Variants in SLC45A3 observed in about 807,000 individuals in gnomAD.
The protein encoded by SLC45A3 is prostate cancer associated protein 2.
SLC45A3 carries 17 observed loss-of-function variants against 35.3 expected under a neutral mutation model. The ratio of observed to expected loss-of-function variants is 0.48; its 90% confidence interval spans 0.33 to 0.72. The LOEUF (loss-of-function observed/expected upper bound fraction) is 0.72. Among genes scored for constraint, SLC45A3 ranks in the 30% least tolerant of loss-of-function variants. The probability of loss-of-function intolerance (pLI) is 0.02; values close to 1 mark genes in which losing one functional copy is unlikely to be tolerated. For missense variants in SLC45A3, 597 were observed against 731.7 expected, an observed-to-expected ratio of 0.82 and a Z score of 2.12; for synonymous variants, 288 against 334.3, an observed-to-expected ratio of 0.86 and a Z score of 1.51.
At chr1:205,663,903 A>C (rs1571534027) in intron 2 of SLC45A3, among the ~76,000 whole-genome samples, 1 of 152,258 alleles carries the variant, frequency 6.6e-6, no homozygotes, top group East Asian at 1.9e-4. Flanking sequence ...GTGACTCCAG[A>C]GCCTGCAATC....
Position 205,662,677 on chromosome 1 carries a change from C to G in SLC45A3, c.958+156G>C. On this transcript the variant is annotated intron_variant, in intron 3 of 4. Coordinates refer to ENST00000367145, the MANE Select transcript of SLC45A3 (RefSeq NM_033102.3). This position sits in a 1 kb window ranked among gnomAD's most constrained non-coding sequence, Gnocchi z 6.2. Reference sequence around the variant, plus strand: ...AAACCGCAAGCAGAGATGTTCCACACCCATGAGAAGCCGTGTATGCAGATG... The same window carrying G: ...AAACCGCAAGCAGAGATGTTCCACAGCCATGAGAAGCCGTGTATGCAGATG... The G allele has an allele frequency of 7.1e-7, 1 of 1,417,824 alleles. No homozygotes were observed. The highest frequency in any genetic ancestry group is 1.7e-5 in the South Asian group (1 of 59,694). 87.8% of individuals were successfully genotyped at this position (1,417,824 alleles called of 1,614,324 possible).
chr1:205,663,636 G>C lies in SLC45A3; in HGVS notation c.173-18C>G, dbSNP rs1261909709. 1 of 1,544,038 alleles carries C rather than the reference G, an allele frequency of 6.5e-7. No individual in the cohort carries two copies. The highest frequency in any genetic ancestry group is 1.2e-5 in the South Asian group (1 of 81,148). ...ACCAATGCCTGCAAGAAGGGAAGTAGTATGAGTCAATGGCTGGGACAAGTA... is the reference window on the plus strand; with the variant it reads ...ACCAATGCCTGCAAGAAGGGAAGTACTATGAGTCAATGGCTGGGACAAGTA... On this transcript the variant is annotated intron_variant, in intron 2 of 4. Transcript: ENST00000367145.
At chr1:205,668,858 G>T (rs1025120371) in intron 1 of SLC45A3, among the ~76,000 whole-genome samples, 3 of 152,118 alleles carry the variant, frequency 2.0e-5, no homozygotes, top group Non-Finnish European at 4.4e-5. Context: ...CCTTTCTGGA[G>T]CTCTGCCCCA....
intron 4 of SLC45A3, among the ~76,000 whole-genome samples, chr1:205,660,029 G>A (rs993735704): frequency 6.6e-6 from 1 of 152,162 alleles, no homozygotes; most frequent in African/African-American, 2.4e-5. Context: ...GGTAAGAGAT[G>A]CACAGAACAG....
At position 205,662,664 on chromosome 1, in the gene SLC45A3, G is replaced by A; in HGVS notation, c.958+169C>T. 1.4e-6 allele frequency: 2 copies of A among 1,394,982 alleles called. No individual in the cohort carries two copies. The highest frequency in any genetic ancestry group is 1.9e-6 in the Non-Finnish European group (2 of 1,079,638). The allele number at this position is 1,394,982 out of a possible 1,614,324, so 86.4% of individuals were successfully genotyped here. ...AGAGGCCTTCCTGAAACCGCAAGCA[G>A]AGATGTTCCACACCCATGAGAAGCC... On this transcript the variant is annotated intron_variant, in intron 3 of 4. Transcript: ENST00000367145. The surrounding 1 kb of genome is among the most constrained non-coding windows in gnomAD (Gnocchi z 6.2).
In SLC45A3 at chr1:205,661,883, G is replaced by T. The variant is rs1340614335; in HGVS notation, c.1202C>A (p.Ser401Tyr). The change falls in exon 4 of 5, where the codon TCC becomes TAC. Residue 401 changes from serine (S) to tyrosine (Y), a missense_variant. Transcript: ENST00000367145. Reference sequence around the variant, plus strand: ...TACCTGCTTCTCCCGGTGGTAGAGGGAGGCCAGTGTGTAGGGCAGGATCTG... The same window carrying T: ...TACCTGCTTCTCCCGGTGGTAGAGGTAGGCCAGTGTGTAGGGCAGGATCTG... ...ALQILPYTLA[S>Y]LYHREKQVFL... 2.5e-6 allele frequency: 4 copies of T among 1,613,834 alleles called. No individual in the cohort carries two copies. The East Asian group carries it at 8.9e-5, about 36-fold the overall frequency.
In SLC45A3 at chr1:205,669,463, C is replaced by T. The variant is rs982764995; in HGVS notation, c.-230-4577G>A. Among the ~76,000 whole-genome samples, 8 of 152,170 alleles carry T rather than the reference C, an allele frequency of 5.3e-5. No individual in the cohort carries two copies. Among genetic ancestry groups the T allele is most frequent in the Admixed American group, 3.9e-4 (6 of 15,290 alleles). ...TTGAGGGCTTTCAAAGGGGCTTCTG[C>T]CACCCCGCATGGCTGAGGTGGAGCT... is the stretch of plus-strand genomic sequence containing the variant. On this transcript the variant is annotated intron_variant, in intron 1 of 4. Coordinates refer to ENST00000367145, the MANE Select transcript of SLC45A3 (RefSeq NM_033102.3). The surrounding 1 kb of genome is among the most constrained non-coding windows in gnomAD (Gnocchi z 4.1).
intron 4 of SLC45A3, among the ~76,000 whole-genome samples, chr1:205,661,271 T>C (rs1456227004): frequency 6.6e-6 from 1 of 151,770 alleles, no homozygotes; most frequent in Admixed American, 6.6e-5. Flanking sequence ...CAAGCTCAGA[T>C]ATCTGCCACA....
At chr1:205,677,566 GA>G (rs1300555383) in intron 1 of SLC45A3, among the ~76,000 whole-genome samples, 1 of 152,192 alleles carries the variant, frequency 6.6e-6, no homozygotes, top group African/African-American at 2.4e-5. Context: ...TGTGCAAGAG[GA>G]AATCAGATTA....
chr1:205,662,139 A>G lies in SLC45A3; in HGVS notation c.959-13T>C. On this transcript the variant is annotated splice_polypyrimidine_tract_variant and intron_variant, in intron 3 of 4. Coordinates refer to ENST00000367145, the MANE Select transcript of SLC45A3 (RefSeq NM_033102.3). This position sits in a 1 kb window ranked among gnomAD's most constrained non-coding sequence, Gnocchi z 6.2. ...CCCATCCGAACGCCTGCAGAGGGAG[A>G]GGGGCCATCAGACAGAGCCTGGGAG... 6.2e-7 allele frequency: 1 copy of G among 1,607,628 alleles called. No individual in the cohort carries two copies. The highest frequency in any genetic ancestry group is 8.5e-7 in the Non-Finnish European group (1 of 1,176,038).
At chr1:205,679,591 G>A (rs1671367094) in intron 1 of SLC45A3, among the ~76,000 whole-genome samples, 1 of 152,000 alleles carries the variant, frequency 6.6e-6, no homozygotes, top group African/African-American at 2.4e-5. Flanking sequence ...GCAGAACTCT[G>A]TCCTTCCCCA....
In SLC45A3 at chr1:205,658,457, A is replaced by G. The variant is rs140669398; in HGVS notation, c.*777T>C. On this transcript the variant is annotated 3_prime_UTR_variant, in exon 5 of 5. Transcript: ENST00000367145. ...GATTCTGGCAATGATCAGCCCAATGACCAGCTATCTCAGGGGACCTGATTG... is the reference window on the plus strand; with the variant it reads ...GATTCTGGCAATGATCAGCCCAATGGCCAGCTATCTCAGGGGACCTGATTG... The G allele has an allele frequency of 1.8e-3, 419 of 233,246 alleles. 1 individual carries two copies. Among genetic ancestry groups the G allele is most frequent in the African/African-American group, 8.8e-3 (401 of 45,454 alleles). 14.4% of individuals were successfully genotyped at this position (233,246 alleles called of 1,614,324 possible). A position where few individuals can be genotyped will look rare whatever the true frequency, so the allele number is the denominator to read the frequency against.
chr1:205,670,820 C>G (rs931099152), intron 1 of SLC45A3, among the ~76,000 whole-genome samples: 1 of 152,226 alleles, frequency 6.6e-6, no homozygotes, highest in Non-Finnish European at 1.5e-5. Flanking sequence ...GCCCCCACCC[C>G]CTCCGGCTCC....
Position 205,661,278 on chromosome 1 carries a change from C to T in SLC45A3, c.1224+583G>A, listed in dbSNP as rs115529762. Among the ~76,000 whole-genome samples, 451 of 152,132 alleles carry T rather than the reference C, an allele frequency of 3.0e-3. 2 individuals are homozygous for T. The highest frequency in any genetic ancestry group is 0.01 in the African/African-American group (433 of 41,510). ...TCAGGTGTCAAGCTCAGATATCTGC[C>T]ACAGGGGAAGGGGAAGGGGAAGGAG... On this transcript the variant is annotated intron_variant, in intron 4 of 4. Coordinates refer to ENST00000367145, the MANE Select transcript of SLC45A3 (RefSeq NM_033102.3).
intron 1 of SLC45A3, among the ~76,000 whole-genome samples, chr1:205,675,012 A>G (rs1671288312): frequency 6.6e-6 from 1 of 152,244 alleles, no homozygotes; most frequent in Non-Finnish European, 1.5e-5. Context: ...CACCGCGCCC[A>G]GCCTAAGTAT....
At chr1:205,664,000 C>G (rs966785583) in intron 2 of SLC45A3, among the ~76,000 whole-genome samples, 1 of 152,082 alleles carries the variant, frequency 6.6e-6, no homozygotes, top group African/African-American at 2.4e-5. Flanking sequence ...AATTTATCTG[C>G]AGAGTCAGGA....
In SLC45A3 at chr1:205,658,922, G is replaced by C. The variant is rs1571528331; in HGVS notation, c.*312C>G. 2 of 354,516 alleles carry C rather than the reference G, an allele frequency of 5.6e-6. No homozygotes were observed. Among genetic ancestry groups the C allele is most frequent in the South Asian group, 1.2e-4 (2 of 16,960 alleles). 22.0% of individuals were successfully genotyped at this position (354,516 alleles called of 1,614,324 possible). ...AGGCTAGCTGTTAACCCTGAGCCTG[G>C]GTAATCCACCTGCAGAGTCCCCGCA... On this transcript the variant is annotated 3_prime_UTR_variant, in exon 5 of 5. Coordinates refer to ENST00000367145, the MANE Select transcript of SLC45A3 (RefSeq NM_033102.3).
In SLC45A3 at chr1:205,669,194, TG is replaced by T. The variant is rs1484915043; in HGVS notation, c.-230-4309del. Among the ~76,000 whole-genome samples the T allele has an allele frequency of 2.0e-5, 3 of 152,188 alleles. No individual in the cohort carries two copies. The highest frequency in any genetic ancestry group is 3.8e-4 in the East Asian group (2 of 5,198). The stretch of plus-strand genomic sequence containing the variant: ...CCAACTCCAGAGGGAGCAGCTCCTA[TG>T]GGCTCAAAGGTGGTGAGTGGCTCAG... On this transcript the variant is annotated intron_variant, in intron 1 of 4. Transcript: ENST00000367145. This position sits in a 1 kb window ranked among gnomAD's most constrained non-coding sequence, Gnocchi z 4.1.
rs1396467106 is a variant in SLC45A3 at position 205,666,160 on chromosome 1, T to C, written c.-230-1274A>G. ...TCTTTTCACACAATACTAAACCCCATGGGGCCTTGCATATTACAAAGCGTG... is the reference window on the plus strand; with the variant it reads ...TCTTTTCACACAATACTAAACCCCACGGGGCCTTGCATATTACAAAGCGTG... On this transcript the variant is annotated intron_variant, in intron 1 of 4. Transcript: ENST00000367145. This position sits in a 1 kb window ranked among gnomAD's most constrained non-coding sequence, Gnocchi z 4.1. Among the ~76,000 whole-genome samples, 2 of 152,062 alleles carry C rather than the reference T, an allele frequency of 1.3e-5. No individual in the cohort carries two copies. The highest frequency in any genetic ancestry group is 6.6e-5 in the Admixed American group (1 of 15,266).
Sources: allele counts gnomAD v4.1 joint callset (sites outside exome capture counted in the v4.1 genomes callset), GRCh38; gene constraint gnomAD v4.1.1; non-coding constraint Gnocchi (gnomAD v3.1); transcripts MANE v1.5; gene names NCBI Gene and HGNC (gene_info 2026-07-23, HGNC 2026-07-21).